Variants in CADM2 observed in about 807,000 individuals in gnomAD.
The protein encoded by CADM2 is cell adhesion molecule 2, also known as immunoglobulin superfamily member 4D.
In CADM2, 12 loss-of-function variants were observed where a neutral mutation model predicts 49.8. The observed-to-expected ratio is 0.24, with a 90% CI of 0.15 to 0.39. The LOEUF is 0.39. CADM2 is among the 10% of genes least tolerant of loss of function. The probability of loss-of-function intolerance (pLI) is 1.00; values close to 1 mark genes in which losing one functional copy is unlikely to be tolerated. For synonymous variants in CADM2, 214 were observed against 175.4 expected (o/e 1.22, Z -1.74); for missense variants, 378 against 492.3 (o/e 0.77, Z 2.20).
At chr3:85,381,380 G>A (rs1576452979) in intron 1 of CADM2, among the ~76,000 whole-genome samples, 2 of 149,032 alleles carry the variant, frequency 1.3e-5, no homozygotes, top group South Asian at 4.2e-4. Context: ...TGATACTGAT[G>A]GTAGAAGGAT....
At chr3:85,397,734 G>C (rs1047915577) in intron 1 of CADM2, among the ~76,000 whole-genome samples, 1 of 152,102 alleles carries the variant, frequency 6.6e-6, no homozygotes, top group Non-Finnish European at 1.5e-5. Flanking sequence ...AGGGGGAGGG[G>C]TATTGATTAG....
At position 86,066,809 on chromosome 3, in the gene CADM2, A is replaced by C; in HGVS notation, c.*26A>C. 6.8e-7 allele frequency: 1 copy of C among 1,477,948 alleles called. No individual in the cohort carries two copies. Among genetic ancestry groups the C allele is most frequent in the Non-Finnish European group, 9.5e-7 (1 of 1,056,510 alleles). The allele number at this position is 1,477,948 out of a possible 1,614,324, so 91.6% of individuals were successfully genotyped here. A position where few individuals can be genotyped will look rare whatever the true frequency, so the allele number is the denominator to read the frequency against. On this transcript the variant is annotated 3_prime_UTR_variant, in exon 10 of 10. Coordinates refer to ENST00000383699, the MANE Select transcript of CADM2 (RefSeq NM_001167675.2). The stretch of plus-strand genomic sequence containing the variant: ...GATGCAGGCCAAGATTCTGAGTTTT[A>C]CTACCAGGCTGAATGCTGGAGAAAA...
intron 1 of CADM2, among the ~76,000 whole-genome samples, chr3:85,341,877 G>T (rs976242895): frequency 2.0e-5 from 3 of 152,004 alleles, no homozygotes; most frequent in Non-Finnish European, 4.4e-5. Context: ...CACACACTTT[G>T]TTTCTAAGGA....
rs567713827 is a variant in CADM2 at position 85,183,444 on chromosome 3, A to G, written c.61+223776A>G. 2.0e-5 allele frequency among the ~76,000 whole-genome samples: 3 copies of G among 152,260 alleles called. No individual in the cohort carries two copies. In the South Asian group the frequency reaches 6.2e-4, roughly 31 times the overall value. On this transcript the variant is annotated intron_variant, in intron 1 of 9. Transcript: ENST00000383699. ...TTTAAGGAATTCACAAAGAAAAAAA[A>G]CACGCAATATGTTCCATTTCAATGT...
intron 5 of CADM2, among the ~76,000 whole-genome samples, chr3:85,906,925 A>G (rs765070779): frequency 3.3e-5 from 5 of 152,228 alleles, no homozygotes; most frequent in African/African-American, 1.2e-4. Flanking sequence ...TAAAGTATGC[A>G]TCCAAGTTAC....
At chr3:85,899,799 C>A (rs978036042) in intron 5 of CADM2, among the ~76,000 whole-genome samples, 22 of 152,118 alleles carry the variant, frequency 1.4e-4, no homozygotes, top group Admixed American at 1.4e-3. Context: ...ATTTACGGTC[C>A]TGTTTGAACA....
At chr3:85,754,898 T>C (rs1320210899) in intron 2 of CADM2, among the ~76,000 whole-genome samples, 1 of 152,152 alleles carries the variant, frequency 6.6e-6, no homozygotes, top group East Asian at 1.9e-4. Flanking sequence ...GGATCTTGGC[T>C]TATAGAAAAA....
chr3:85,559,382 T>A (rs916843262), intron 1 of CADM2, among the ~76,000 whole-genome samples: 1 of 152,078 alleles, frequency 6.6e-6, no homozygotes, highest in Non-Finnish European at 1.5e-5. Flanking sequence ...TCCTATTCAA[T>A]ATCTTAATGG....
chr3:85,049,172 G>A (rs571657906), intron 1 of CADM2, among the ~76,000 whole-genome samples: 101 of 152,094 alleles, frequency 6.6e-4, no homozygotes, highest in African/African-American at 2.3e-3. Flanking sequence ...GATCTTAGTG[G>A]GAACAATTGC....
intron 1 of CADM2, among the ~76,000 whole-genome samples, chr3:85,467,789 T>C (rs949855347): frequency 4.6e-5 from 7 of 152,140 alleles, no homozygotes; most frequent in South Asian, 2.1e-4. Flanking sequence ...TTGTTTGTAC[T>C]CCTCAAAGGC....
intron 1 of CADM2, among the ~76,000 whole-genome samples, chr3:85,619,868 A>G (rs1285039004): frequency 6.6e-6 from 1 of 152,236 alleles, no homozygotes; most frequent in Non-Finnish European, 1.5e-5. Flanking sequence ...TATAAGAGCA[A>G]AGAGAATTTG....
rs542109986 is a variant in CADM2 at position 86,070,608 on chromosome 3, G to A, written c.*3825G>A. ...CCAATATTATTTCCCTTTGCAAATG[G>A]TAATTTCTGATAAAACAATACAAAA... On this transcript the variant is annotated 3_prime_UTR_variant, in exon 10 of 10. Coordinates refer to ENST00000383699, the MANE Select transcript of CADM2 (RefSeq NM_001167675.2). 2.1e-5 allele frequency: 3 copies of A among 144,416 alleles called. No individual in the cohort carries two copies. The East Asian group carries it at 6.1e-4, about 29-fold the overall frequency. The allele number at this position is 144,416 out of a possible 1,614,324, so 8.9% of individuals were successfully genotyped here.
At chr3:85,231,136 A>G (rs1265367533) in intron 1 of CADM2, among the ~76,000 whole-genome samples, 1 of 152,074 alleles carries the variant, frequency 6.6e-6, no homozygotes, top group African/African-American at 2.4e-5. Context: ...ACTAGAACTT[A>G]TATCTATTAC....
intron 2 of CADM2, among the ~76,000 whole-genome samples, chr3:85,767,147 C>T (rs1219299646): frequency 6.6e-6 from 1 of 152,078 alleles, no homozygotes; most frequent in Non-Finnish European, 1.5e-5. Context: ...GTGAAACATT[C>T]CTAATTGTCT....
At chr3:85,831,535 G>T (rs1188379364) in intron 3 of CADM2, among the ~76,000 whole-genome samples, 2 of 151,992 alleles carry the variant, frequency 1.3e-5, no homozygotes, top group Admixed American at 6.6e-5. Flanking sequence ...TGAATGGTGT[G>T]AAATGATATC....
At chr3:85,744,820 C>A (rs1180282559) in intron 2 of CADM2, among the ~76,000 whole-genome samples, 2 of 152,056 alleles carry the variant, frequency 1.3e-5, no homozygotes, top group Non-Finnish European at 2.9e-5. Flanking sequence ...GACCTGGTTG[C>A]ATGGGGACAA....
At chr3:85,830,797 TTTTATTTATTTATTTA>T (rs78682464) in intron 3 of CADM2, among the ~76,000 whole-genome samples, 38 of 142,140 alleles carry the variant, frequency 2.7e-4, no homozygotes, top group African/African-American at 2.6e-4. Flanking sequence ...TCTTTGTGCA[TTTTATTTATTTATTTA>T]TTTATTTATT....
chr3:85,424,286 T>C (rs938233143), intron 1 of CADM2, among the ~76,000 whole-genome samples: 9 of 151,792 alleles, frequency 5.9e-5, no homozygotes, highest in Non-Finnish European at 1.3e-4. Context: ...TAAAAGCATA[T>C]AGAGATAGTA....
chr3:85,604,861 G>T lies in CADM2; in HGVS notation c.62-121661G>T, dbSNP rs186969715. 2.0e-5 allele frequency among the ~76,000 whole-genome samples: 3 copies of T among 152,042 alleles called. No homozygotes were observed. The East Asian group carries it at 5.8e-4, about 30-fold the overall frequency. ...CAGTAATCAAACAGCTGTGATACAT[G>T]CCACTTTACGCTTATATCATCATAT... On this transcript the variant is annotated intron_variant, in intron 1 of 9. Coordinates refer to ENST00000383699, the MANE Select transcript of CADM2 (RefSeq NM_001167675.2).
Sources: allele counts gnomAD v4.1 joint callset (sites outside exome capture counted in the v4.1 genomes callset), GRCh38; gene constraint gnomAD v4.1.1; transcripts MANE v1.5; gene names NCBI Gene and HGNC (gene_info 2026-07-23, HGNC 2026-07-21).